RAB3GAP1: variants seen among roughly 807,000 people sequenced by gnomAD.
RAB3GAP1 encodes rab3 GTPase-activating protein catalytic subunit.
In RAB3GAP1, 86 loss-of-function variants were observed where a neutral mutation model predicts 130.7. The observed-to-expected ratio is 0.66, with a 90% CI of 0.55 to 0.79. The LOEUF (loss-of-function observed/expected upper bound fraction) is 0.79. Ranked by LOEUF, RAB3GAP1 falls within the 30% of genes least tolerant of loss-of-function variation. The pLI is 0.00. For synonymous variants in RAB3GAP1, 367 were observed against 401.7 expected, an observed-to-expected ratio of 0.91 and a Z score of 1.03; for missense variants, 1,029 against 1,169.4, an observed-to-expected ratio of 0.88 and a Z score of 1.75.
chr2:135,105,949 C>T (rs1574113231), intron 5 of RAB3GAP1, among the ~76,000 whole-genome samples: 3 of 151,154 alleles, frequency 2.0e-5, no homozygotes, highest in East Asian at 4.0e-4. Context: ...GGAGCCCCTC[C>T]GCTCGGCAGC....
At chr2:135,069,090 A>G (rs1689400293) in intron 3 of RAB3GAP1, among the ~76,000 whole-genome samples, 2 of 152,250 alleles carry the variant, frequency 1.3e-5, no homozygotes, top group East Asian at 1.9e-4. Flanking sequence ...ATTTGGTATC[A>G]TTAGTAATAA....
At chr2:135,071,214 C>T (rs1327194122) in intron 3 of RAB3GAP1, among the ~76,000 whole-genome samples, 2 of 152,220 alleles carry the variant, frequency 1.3e-5, no homozygotes, top group Non-Finnish European at 2.9e-5. Flanking sequence ...CCCAGAGCCT[C>T]ATTTTACTGG....
chr2:135,081,327 A>ATATAT (rs1553440432), intron 3 of RAB3GAP1, among the ~76,000 whole-genome samples: 2 of 64,038 alleles, frequency 3.1e-5, no homozygotes, highest in East Asian at 2.1e-3. Context: ...AAAAAAAAAA[A>ATATAT]ATATATATAT....
intron 17 of RAB3GAP1, among the ~76,000 whole-genome samples, chr2:135,147,581 TTCTC>T (rs1201611305): frequency 1.3e-5 from 2 of 151,890 alleles, no homozygotes; most frequent in African/African-American, 4.8e-5. Flanking sequence ...TTTGTATCCT[TTCTC>T]CTTCCAGATT....
At chr2:135,055,935 T>C (rs1415751222) in intron 2 of RAB3GAP1, among the ~76,000 whole-genome samples, 3 of 150,356 alleles carry the variant, frequency 2.0e-5, no homozygotes, top group Non-Finnish European at 3.0e-5. Context: ...CTCCCAGGTT[T>C]ACGCCATTCT....
chr2:135,086,661 CTTTTTTTT>C (rs59270938), intron 3 of RAB3GAP1, among the ~76,000 whole-genome samples: 5 of 65,068 alleles, frequency 7.7e-5, no homozygotes, highest in South Asian at 7.1e-4. Context: ...TTCCCCTAAT[CTTTTTTTT>C]TTTTTTTTTT....
intron 2 of RAB3GAP1, among the ~76,000 whole-genome samples, chr2:135,057,440 C>T (rs1002335440): frequency 6.6e-5 from 10 of 152,146 alleles, no homozygotes; most frequent in Non-Finnish European, 1.5e-4. Flanking sequence ...CTCACTCTGT[C>T]GCCCAGGCTG....
At position 135,169,815 on chromosome 2, in the gene RAB3GAP1, T is replaced by A. The variant is rs1692793645; in HGVS notation, c.*1034T>A. 2.2e-6 allele frequency: 1 copy of A among 454,266 alleles called. No individual in the cohort carries two copies. Among genetic ancestry groups the A allele is most frequent in the Non-Finnish European group, 4.4e-6 (1 of 225,482 alleles). 28.1% of individuals were successfully genotyped at this position (454,266 alleles called of 1,614,324 possible). A position where few individuals can be genotyped will look rare whatever the true frequency, so the allele number is the denominator to read the frequency against. On this transcript the variant is annotated 3_prime_UTR_variant, in exon 24 of 24. Coordinates refer to ENST00000264158, the MANE Select transcript of RAB3GAP1 (RefSeq NM_012233.3). ...TTCTAGTTTCATGGAGCTCAAGATG[T>A]CTTGTGTCTGTGTGGCTAGATGGCC...
chr2:135,173,872 A>G (rs1223341046), downstream of RAB3GAP1, among the ~76,000 whole-genome samples: 1 of 152,168 alleles, frequency 6.6e-6, no homozygotes, highest in Non-Finnish European at 1.5e-5. Context: ...GGTTGGATGG[A>G]TGGATGCCTC....
At chr2:135,147,621 C>T (rs527619395) in intron 17 of RAB3GAP1, among the ~76,000 whole-genome samples, 3 of 147,816 alleles carry the variant, frequency 2.0e-5, no homozygotes, top group African/African-American at 7.7e-5. Context: ...CCCCTCCCCC[C>T]CCCTTTTTTT....
chr2:135,117,453 TCTGCTTCTGCTTCTG>T (rs1558784081), intron 7 of RAB3GAP1, among the ~76,000 whole-genome samples: 34 of 103,864 alleles, frequency 3.3e-4, no homozygotes, highest in Admixed American at 7.2e-4. Context: ...TTCTTCTTCT[TCTGCTTCTGCTTCTG>T]CTTCTGCTTC....
At chr2:135,160,490 A>G (rs974914871) in intron 19 of RAB3GAP1, among the ~76,000 whole-genome samples, 5 of 151,764 alleles carry the variant, frequency 3.3e-5, no homozygotes, top group African/African-American at 1.2e-4. Flanking sequence ...TGGCCAACAT[A>G]GTGAAACTCC....
chr2:135,108,271 G>A (rs561729140), intron 5 of RAB3GAP1, among the ~76,000 whole-genome samples: 4 of 152,190 alleles, frequency 2.6e-5, no homozygotes, highest in African/African-American at 7.2e-5. Flanking sequence ...TCATTAAGAA[G>A]TGCAATTGTG....
intron 13 of RAB3GAP1, 145 bp downstream of exon 13, chr2:135,130,866 GT>G (rs1178775869): frequency 1.3e-6 from 1 of 766,546 alleles, no homozygotes; most frequent in Admixed American, 2.6e-5. Flanking sequence ...TACTAGTTTA[GT>G]GGTGAGAAGG....
At chr2:135,066,937 A>G (rs576188287) in intron 3 of RAB3GAP1, among the ~76,000 whole-genome samples, 2 of 152,320 alleles carry the variant, frequency 1.3e-5, no homozygotes, top group East Asian at 3.9e-4. Flanking sequence ...TGAGAGTATT[A>G]ATAGAATAAT....
chr2:135,150,441 G>C lies in RAB3GAP1; in HGVS notation c.1996G>C (p.Glu666Gln). 6.2e-7 allele frequency: 1 copy of C among 1,614,236 alleles called. No homozygotes were observed. The highest frequency in any genetic ancestry group is 8.5e-7 in the Non-Finnish European group (1 of 1,180,040). ...EVLAKLGTSA[E>Q]GAHLRARMQS... Reference sequence around the variant, plus strand: ...TTTAGCTAAATTAGGTACATCGGCAGAGGGGGCTCACCTTCGAGCACGCAT... The same window carrying C: ...TTTAGCTAAATTAGGTACATCGGCACAGGGGGCTCACCTTCGAGCACGCAT... The change falls in exon 18 of 24, where the codon GAG becomes CAG. Residue 666 changes from glutamate to glutamine, a missense_variant. Around this residue, in one of 3 missense-constraint regions of RAB3GAP1, gnomAD observed 373 missense variants for 493.6 expected, o/e 0.76. Coordinates refer to ENST00000264158, the MANE Select transcript of RAB3GAP1 (RefSeq NM_012233.3).
At chr2:135,085,210 A>G (rs1689938177) in intron 3 of RAB3GAP1, among the ~76,000 whole-genome samples, 2 of 152,196 alleles carry the variant, frequency 1.3e-5, no homozygotes, top group Admixed American at 6.5e-5. Flanking sequence ...TTTGTATATT[A>G]TAACTTCTAA....
rs116658219 is a variant in RAB3GAP1, at chr2:135,097,317, G to A, written c.362+3624G>A. On this transcript the variant is annotated intron_variant, in intron 5 of 23. Coordinates refer to ENST00000264158, the MANE Select transcript of RAB3GAP1 (RefSeq NM_012233.3). ...TGTAGCCTTGAACTCCTGGGCTCAA[G>A]TGATCCTTCTGCCTCAGCCCCTTGA... 2.9e-3 allele frequency among the ~76,000 whole-genome samples: 446 copies of A among 151,780 alleles called. 2 individuals are homozygous for A. Among genetic ancestry groups the A allele is most frequent in the African/African-American group, 0.01 (423 of 41,322 alleles).
At chr2:135,081,588 T>C (rs1689823067) in intron 3 of RAB3GAP1, among the ~76,000 whole-genome samples, 2 of 151,598 alleles carry the variant, frequency 1.3e-5, no homozygotes, top group African/African-American at 4.9e-5. Context: ...GAGCTAGGTT[T>C]TTATTTGCAT....
Sources: allele counts gnomAD v4.1 joint callset (sites outside exome capture counted in the v4.1 genomes callset), GRCh38; gene constraint gnomAD v4.1.1; regional missense constraint gnomAD v4.1.1; transcripts MANE v1.5; gene names NCBI Gene and HGNC (gene_info 2026-07-23, HGNC 2026-07-21).